Variants in MAF observed in about 807,000 individuals in gnomAD.
The protein encoded by MAF is MAF bZIP transcription factor, also known as transcription factor Maf.
MAF carries 10 observed loss-of-function variants against 22.0 expected under a neutral mutation model. The observed-to-expected ratio is 0.45, with a 90% confidence interval of 0.28 to 0.77. The LOEUF is 0.77. Among genes scored for constraint, MAF ranks in the 30% least tolerant of loss-of-function variants. MAF has a pLI of 0.12. For synonymous variants in MAF, 337 were observed against 255.8 expected (o/e 1.32, Z -3.03); for missense variants, 544 against 548.4 (o/e 0.99, Z 0.08).
At chr16:79,598,657 A>G in intron 1 of MAF, 128 bp downstream of exon 1, 1 of 1,530,184 alleles carries the variant, frequency 6.5e-7, no homozygotes, top group Non-Finnish European at 8.7e-7. Flanking sequence ...AAGGGGGCCA[A>G]ACTCGGTGGG....
the MAF span, among the ~76,000 whole-genome samples, chr16:79,524,935 G>T: frequency 1.2e-4 from 18 of 152,292 alleles, no homozygotes; most frequent in African/African-American, 4.1e-4. Flanking sequence ...CGTGAGGTTT[G>T]CTTTAAGTAG....
the MAF span, among the ~76,000 whole-genome samples, chr16:79,393,036 C>G: frequency 6.6e-6 from 1 of 152,184 alleles, no homozygotes; most frequent in Non-Finnish European, 1.5e-5. Context: ...TTTCTCCTTT[C>G]CAGGACCACT....
At chr16:79,518,817 C>G in the MAF span, among the ~76,000 whole-genome samples, 1 of 152,060 alleles carries the variant, frequency 6.6e-6, no homozygotes, top group Non-Finnish European at 1.5e-5. Flanking sequence ...CCCAGCCACT[C>G]GGGAGGCTGA....
chr16:79,292,448 C>A, the MAF span, among the ~76,000 whole-genome samples: 2 of 152,188 alleles, frequency 1.3e-5, no homozygotes, highest in Non-Finnish European at 2.9e-5. Flanking sequence ...TACTATTCAA[C>A]TTCTGGCCTC....
the MAF span, among the ~76,000 whole-genome samples, chr16:79,550,907 C>T: frequency 6.6e-6 from 1 of 152,128 alleles, no homozygotes; most frequent in Admixed American, 6.5e-5. Flanking sequence ...CTGAGCTCTC[C>T]CCCAGAACCA....
At chr16:79,356,410 G>C in the MAF span, among the ~76,000 whole-genome samples, 31 of 152,084 alleles carry the variant, frequency 2.0e-4, no homozygotes, top group African/African-American at 7.5e-4. Flanking sequence ...CGCTTTTCTG[G>C]GTCTAAATCT....
chr16:79,558,448 A>G, the MAF span, among the ~76,000 whole-genome samples: 1 of 152,224 alleles, frequency 6.6e-6, no homozygotes, highest in Non-Finnish European at 1.5e-5. Flanking sequence ...TCAAATGATC[A>G]TAGTTCAGTC....
At chr16:79,538,213 T>A in the MAF span, among the ~76,000 whole-genome samples, 1 of 152,312 alleles carries the variant, frequency 6.6e-6, no homozygotes, top group South Asian at 2.1e-4. Context: ...ATTTTAAGAA[T>A]CAACAAATAA....
At chr16:79,345,874 T>C in the MAF span, among the ~76,000 whole-genome samples, 1 of 151,970 alleles carries the variant, frequency 6.6e-6, no homozygotes, top group African/African-American at 2.4e-5. Flanking sequence ...GTACTGTAAT[T>C]ATTTGTTTAC....
the MAF span, among the ~76,000 whole-genome samples, chr16:79,480,784 T>C: frequency 2.6e-5 from 4 of 152,172 alleles, no homozygotes; most frequent in Non-Finnish European, 4.4e-5. Context: ...GTAGAATAGA[T>C]AATGATGTGT....
chr16:79,368,493 T>C, the MAF span, among the ~76,000 whole-genome samples: 1 of 152,180 alleles, frequency 6.6e-6, no homozygotes, highest in African/African-American at 2.4e-5. Context: ...AAAGTGATCT[T>C]GGTCACTTTT....
chr16:79,329,215 G>C, the MAF span, among the ~76,000 whole-genome samples: 1 of 152,062 alleles, frequency 6.6e-6, no homozygotes, highest in Non-Finnish European at 1.5e-5. Flanking sequence ...AGAAAAGTCA[G>C]AGCTCTCAGA....
chr16:79,563,437 T>C, the MAF span, among the ~76,000 whole-genome samples: 1 of 152,136 alleles, frequency 6.6e-6, no homozygotes, highest in Non-Finnish European at 1.5e-5. Flanking sequence ...CAAACTCCAT[T>C]TCACTTTAAC....
the MAF span, chr16:79,229,382 G>C: frequency 4.6e-5 from 7 of 151,778 alleles, no homozygotes; most frequent in Non-Finnish European, 7.4e-5. Context: ...TCTCTTTGAT[G>C]GTCTTTTAAA....
the MAF span, among the ~76,000 whole-genome samples, chr16:79,210,267 T>A: frequency 6.6e-6 from 1 of 152,218 alleles, no homozygotes; most frequent in Non-Finnish European, 1.5e-5. Context: ...AACCCAAGTC[T>A]GCCTTATGGC....
intron 1 of MAF, 182 bp downstream of exon 1, chr16:79,598,603 T>TGTGTG (rs1913734910): frequency 1.3e-6 from 2 of 1,485,782 alleles, no homozygotes; most frequent in Non-Finnish European, 8.9e-7. Context: ...TGTGTGTGTG[T>TGTGTG]GTGTGTGGTG....
chr16:79,530,047 TC>T, the MAF span, among the ~76,000 whole-genome samples: 1 of 152,320 alleles, frequency 6.6e-6, no homozygotes, highest in South Asian at 2.1e-4. Context: ...GAGTAATTTT[TC>T]TATCAAAGAG....
the MAF span, among the ~76,000 whole-genome samples, chr16:79,348,781 G>A: frequency 6.6e-6 from 1 of 152,190 alleles, no homozygotes; most frequent in African/African-American, 2.4e-5. Context: ...TGATTCTTAT[G>A]TCATATTCTG....
At chr16:79,527,967 C>A in the MAF span, among the ~76,000 whole-genome samples, 2 of 152,042 alleles carry the variant, frequency 1.3e-5, no homozygotes, top group African/African-American at 2.4e-5. Context: ...CATGGCAAAA[C>A]CCCATCTCTA....
Sources: allele counts gnomAD v4.1 joint callset (sites outside exome capture counted in the v4.1 genomes callset), GRCh38; gene constraint gnomAD v4.1.1; transcripts MANE v1.5; gene names NCBI Gene and HGNC (gene_info 2026-07-23, HGNC 2026-07-21).